The following COL28A1 variants were observed in gnomAD, a reference collection of about 807,000 sequenced individuals.
The protein encoded by COL28A1 is collagen alpha-1(XXVIII) chain.
Under a neutral mutation model 150.2 loss-of-function variants are expected in COL28A1, and 161 were observed. The observed-to-expected ratio is 1.07, with a 90% confidence interval of 0.94 to 1.22. The LOEUF (loss-of-function observed/expected upper bound fraction) is 1.22, where lower values mean the gene tolerates loss of function less well. Among genes scored for constraint, COL28A1 ranks in the 50% most tolerant of loss-of-function variants. The probability of loss-of-function intolerance (pLI) is 0.00; values close to 1 mark genes in which losing one functional copy is unlikely to be tolerated. For missense variants in COL28A1, 1,617 were observed against 1,388.3 expected (o/e 1.16, Z -2.62); for synonymous variants, 552 against 469.7 (o/e 1.18, Z -2.26).
intron 27 of COL28A1, among the ~76,000 whole-genome samples, chr7:7,401,825 C>G (rs1369568590): frequency 1.3e-5 from 2 of 152,180 alleles, no homozygotes; most frequent in African/African-American, 4.8e-5. Context: ...CCTTCAAGAA[C>G]TTCTTATATC....
chr7:7,419,032 C>G (rs1224707879), intron 26 of COL28A1, among the ~76,000 whole-genome samples: 1 of 152,186 alleles, frequency 6.6e-6, no homozygotes, highest in Non-Finnish European at 1.5e-5. Context: ...GCATTTTCGG[C>G]ATGAATATAC....
At chr7:7,386,461 T>A (rs542071428) in intron 27 of COL28A1, among the ~76,000 whole-genome samples, 1 of 152,308 alleles carries the variant, frequency 6.6e-6, no homozygotes, top group East Asian at 1.9e-4. Flanking sequence ...AGAGCTGTGG[T>A]TGCAGGGCAT....
In COL28A1 at chr7:7,453,734, G is replaced by A. The variant is rs76427342; in HGVS notation, c.1372-226C>T. ...TATATCTGCCTAGAATAAAGACCAC[G>A]TTTCTCAGTCCCTGTTGCAGCCAGG... On this transcript the variant is annotated intron_variant, in intron 16 of 34. Coordinates refer to ENST00000399429, the MANE Select transcript of COL28A1 (RefSeq NM_001037763.3). 4.5e-3 allele frequency among the ~76,000 whole-genome samples: 681 copies of A among 149,850 alleles called. 7 individuals carry two copies. The highest frequency in any genetic ancestry group is 0.017 in the African/African-American group (661 of 39,256).
At chr7:7,508,592 C>T (rs1780953371) in intron 9 of COL28A1, among the ~76,000 whole-genome samples, 1 of 152,188 alleles carries the variant, frequency 6.6e-6, no homozygotes, top group Non-Finnish European at 1.5e-5. Context: ...ATGGGCTCCC[C>T]ATCAACAATT....
At chr7:7,388,930 C>G (rs568956105) in intron 27 of COL28A1, among the ~76,000 whole-genome samples, 11 of 152,120 alleles carry the variant, frequency 7.2e-5, no homozygotes, top group Admixed American at 7.2e-4. Flanking sequence ...CAAAAATTTT[C>G]TCCCATTCTG....
intron 3 of COL28A1, among the ~76,000 whole-genome samples, chr7:7,530,792 T>C (rs1033435794): frequency 1.6e-4 from 25 of 152,156 alleles, no homozygotes; most frequent in African/African-American, 6.0e-4. Flanking sequence ...TTGGATGGGC[T>C]TGAGAACATC....
intron 32 of COL28A1, 115 bp downstream of exon 32, chr7:7,372,883 T>C (rs906615926): frequency 2.6e-6 from 2 of 764,632 alleles, no homozygotes; most frequent in Admixed American, 5.0e-5. Flanking sequence ...CATTTAATGT[T>C]GGCATAAGCC....
chr7:7,527,143 G>A (rs1371150982), intron 3 of COL28A1, among the ~76,000 whole-genome samples: 1 of 152,108 alleles, frequency 6.6e-6, no homozygotes, highest in Non-Finnish European at 1.5e-5. Flanking sequence ...GTGTTTGCTG[G>A]AATTTATATT....
intron 26 of COL28A1, among the ~76,000 whole-genome samples, chr7:7,418,851 C>T (rs1385807661): frequency 8.5e-5 from 13 of 152,076 alleles, no homozygotes; most frequent in Admixed American, 8.5e-4. Context: ...GGATCTTCAT[C>T]CATTTAAAGT....
chr7:7,451,031 T>C (rs547433153), intron 18 of COL28A1, among the ~76,000 whole-genome samples: 12 of 152,238 alleles, frequency 7.9e-5, no homozygotes, highest in Middle Eastern at 3.4e-3. Flanking sequence ...AAATTCATAA[T>C]AATGATTATG....
chr7:7,383,170 C>G (rs775152778), intron 27 of COL28A1, among the ~76,000 whole-genome samples: 3 of 151,952 alleles, frequency 2.0e-5, no homozygotes, highest in Non-Finnish European at 4.4e-5. Flanking sequence ...GAAAAAATCT[C>G]TATCTGAAAT....
intron 17 of COL28A1, among the ~76,000 whole-genome samples, chr7:7,452,871 G>A (rs980889980): frequency 3.9e-5 from 6 of 152,234 alleles, no homozygotes; most frequent in African/African-American, 1.2e-4. Context: ...TGTGTTCTAA[G>A]GTGAATAGTC....
At chr7:7,511,790 A>G (rs1024430520) in intron 8 of COL28A1, 4 of 471,032 alleles carry the variant, frequency 8.5e-6, no homozygotes, top group African/African-American at 8.0e-5. Flanking sequence ...GGCAGCAAGC[A>G]TGCTACATAT....
chr7:7,475,759 C>T (rs1055755982), intron 14 of COL28A1, among the ~76,000 whole-genome samples: 1 of 152,012 alleles, frequency 6.6e-6, no homozygotes, highest in Non-Finnish European at 1.5e-5. Flanking sequence ...TTACTAAGTG[C>T]CAAAAAAATC....
intron 13 of COL28A1, among the ~76,000 whole-genome samples, chr7:7,480,449 A>G (rs1789291954): frequency 6.6e-6 from 1 of 152,208 alleles, no homozygotes; most frequent in East Asian, 1.9e-4. Context: ...AGGAAAATAA[A>G]TAGGAGCATG....
At chr7:7,388,409 A>AT (rs1459482545) in intron 27 of COL28A1, among the ~76,000 whole-genome samples, 1 of 152,128 alleles carries the variant, frequency 6.6e-6, no homozygotes, top group Non-Finnish European at 1.5e-5. Flanking sequence ...CCAGTCCATC[A>AT]TTAACGGGCA....
At chr7:7,367,130 T>C (rs1439094149) in intron 33 of COL28A1, among the ~76,000 whole-genome samples, 1 of 152,196 alleles carries the variant, frequency 6.6e-6, no homozygotes, top group African/African-American at 2.4e-5. Flanking sequence ...ACCACTGTGT[T>C]ACAGTTCCCT....
At chr7:7,486,264 A>G (rs924821922) in intron 13 of COL28A1, among the ~76,000 whole-genome samples, 2 of 152,164 alleles carry the variant, frequency 1.3e-5, no homozygotes, top group African/African-American at 4.8e-5. Flanking sequence ...GTATACAGAA[A>G]TTAAATAGAT....
chr7:7,399,074 A>G (rs1165436822), intron 27 of COL28A1, among the ~76,000 whole-genome samples: 1 of 152,138 alleles, frequency 6.6e-6, no homozygotes, highest in African/African-American at 2.4e-5. Flanking sequence ...GTAACTTCAT[A>G]TCTACTTTCT....
Sources: gnomAD v4.1 joint callset for allele counts (sites outside exome capture counted in the v4.1 genomes callset) on GRCh38, gnomAD v4.1.1 for gene constraint, MANE v1.5 for transcripts, NCBI Gene and HGNC (gene_info 2026-07-23, HGNC 2026-07-21) for gene names.